PI4KA: variants seen among roughly 807,000 people sequenced by gnomAD.
PI4KA encodes phosphatidylinositol 4-kinase alpha.
In PI4KA, 122 loss-of-function variants were observed where a neutral mutation model predicts 271.4. The ratio of observed to expected loss-of-function variants is 0.45; its 90% CI spans 0.39 to 0.52. The LOEUF (loss-of-function observed/expected upper bound fraction) is 0.52, where lower values mean the gene tolerates loss of function less well. Ranked by LOEUF, PI4KA falls within the 20% of genes least tolerant of loss-of-function variation. The pLI, the probability that PI4KA is intolerant of heterozygous loss-of-function variation, is 0.00. For missense variants in PI4KA, 1,969 were observed against 2,769.1 expected, an observed-to-expected ratio of 0.71 and a Z score of 6.48; for synonymous variants, 1,041 against 1,078.8, an observed-to-expected ratio of 0.96 and a Z score of 0.69.
intron 7 of PI4KA, among the ~76,000 whole-genome samples, chr22:20,817,684 T>C (rs896185788): frequency 1.8e-5 from 2 of 111,792 alleles, no homozygotes; most frequent in African/African-American, 7.2e-5. Context: ...CGGTGAGCCA[T>C]GATCATGCCG....
intron 21 of PI4KA, 45 bp downstream of exon 21, chr22:20,765,055 T>C: frequency 6.3e-7 from 1 of 1,592,100 alleles, no homozygotes; most frequent in East Asian, 2.2e-5. Flanking sequence ...AGATCTGCCC[T>C]AATTGGCACA....
At chr22:20,829,911 G>A (rs763569330) in intron 3 of PI4KA, among the ~76,000 whole-genome samples, 14 of 152,004 alleles carry the variant, frequency 9.2e-5, no homozygotes, top group Non-Finnish European at 1.6e-4. Flanking sequence ...TCATTTACCC[G>A]AAGGTCATTC....
intron 19 of PI4KA, among the ~76,000 whole-genome samples, chr22:20,769,408 G>A (rs1932777249): frequency 6.6e-6 from 1 of 151,974 alleles, no homozygotes; most frequent in Non-Finnish European, 1.5e-5. Flanking sequence ...GGTGGCTCAC[G>A]CCTGTAATCC....
intron 8 of PI4KA, among the ~76,000 whole-genome samples, chr22:20,812,488 G>A (rs531335581): frequency 2.0e-5 from 3 of 151,990 alleles, no homozygotes; most frequent in African/African-American, 4.8e-5. Context: ...ATCATCACCC[G>A]TACCTATTCA....
At chr22:20,726,596 C>G (rs1264512250) in intron 41 of PI4KA, 55 bp from the exon 42 acceptor site, 2 of 1,494,616 alleles carry the variant, frequency 1.3e-6, no homozygotes, top group Non-Finnish European at 1.8e-6. Context: ...CCACCCAACC[C>G]TACGGCCCAG....
At chr22:20,857,891 A>C (rs1404957939) in intron 1 of PI4KA, among the ~76,000 whole-genome samples, 1 of 152,106 alleles carries the variant, frequency 6.6e-6, no homozygotes, top group Non-Finnish European at 1.5e-5. Context: ...CTCTGGCATG[A>C]CTTCACCTTT....
chr22:20,794,723 G>A (rs746849550), intron 18 of PI4KA, among the ~76,000 whole-genome samples: 12 of 152,144 alleles, frequency 7.9e-5, no homozygotes, highest in Non-Finnish European at 1.5e-4. Context: ...CCCACTCAGC[G>A]CCACAGGCAG....
chr22:20,803,041 C>T (rs1055797018), intron 13 of PI4KA, 150 bp downstream of exon 13: 16 of 742,044 alleles, frequency 2.2e-5, no homozygotes, highest in Non-Finnish European at 3.4e-5. Flanking sequence ...GAAGAAAGGC[C>T]TGGAGCTTGG....
intron 8 of PI4KA, 102 bp from the exon 9 acceptor site, chr22:20,811,134 T>C (rs1022517529): frequency 1.6e-5 from 14 of 852,018 alleles, no homozygotes; most frequent in Admixed American, 3.5e-5. Context: ...TGGTGAAAAA[T>C]GTGATGCAGA....
Position 20,799,031 on chromosome 22 carries a change from T to C in PI4KA, c.2004+62A>G, listed in dbSNP as rs575316974. On this transcript the variant is annotated intron_variant, in intron 16 of 54. Coordinates refer to ENST00000255882, the MANE Select transcript of PI4KA (RefSeq NM_058004.4). ...TTAATCTGTATTTGTACATCCCTTA[T>C]AGTCAAGAGTTTAACGTAGCTTGCA... The C allele has an allele frequency of 5.8e-4, 781 of 1,349,994 alleles. 7 individuals carry two copies. The South Asian group carries it at 9.5e-3, about 16-fold the overall frequency. The allele number at this position is 1,349,994 out of a possible 1,614,324, so 83.6% of individuals were successfully genotyped here.
At chr22:20,762,304 G>A (rs1932049201) in intron 22 of PI4KA, among the ~76,000 whole-genome samples, 1 of 152,170 alleles carries the variant, frequency 6.6e-6, no homozygotes, top group South Asian at 2.1e-4. Flanking sequence ...ATTCGAGTGT[G>A]CACGTGCACA....
At chr22:20,838,452 A>AAT (rs965189244) in intron 2 of PI4KA, among the ~76,000 whole-genome samples, 163 bp downstream of exon 2, 9 of 152,200 alleles carry the variant, frequency 5.9e-5, no homozygotes, top group Admixed American at 5.9e-4. Flanking sequence ...TTACATTAGG[A>AAT]AGTTTCATTC....
intron 28 of PI4KA, among the ~76,000 whole-genome samples, 181 bp from the exon 29 acceptor site, chr22:20,747,883 C>T (rs202118511): frequency 9.9e-5 from 15 of 151,004 alleles, no homozygotes; most frequent in African/African-American, 3.2e-4. Flanking sequence ...TATAGGGGCA[C>T]GCCACTATGC....
chr22:20,721,444 G>T (rs765689283), intron 42 of PI4KA, 26 bp from the exon 43 acceptor site: 2 of 1,611,394 alleles, frequency 1.2e-6, no homozygotes, highest in South Asian at 2.2e-5. Context: ...GTCCCTGTCA[G>T]CCAGGCTCGG....
chr22:20,790,480 G>T (rs1934558027), intron 19 of PI4KA, among the ~76,000 whole-genome samples: 1 of 151,902 alleles, frequency 6.6e-6, no homozygotes, highest in Non-Finnish European at 1.5e-5. Context: ...GGTGAACATG[G>T]CAAAAACTGA....
At chr22:20,714,825 C>T (rs1439269367) in intron 45 of PI4KA, 125 bp from the exon 46 acceptor site, 1 of 1,117,720 alleles carries the variant, frequency 8.9e-7, no homozygotes, top group Non-Finnish European at 1.3e-6. Context: ...TGTGGAGGGG[C>T]CTCTGGTCCT....
chr22:20,761,818 AG>A (rs1931999733), intron 22 of PI4KA, among the ~76,000 whole-genome samples: 1 of 152,246 alleles, frequency 6.6e-6, no homozygotes, highest in Admixed American at 6.5e-5. Context: ...AGGAAGGTGC[AG>A]GGAACACATG....
At chr22:20,843,317 C>A (rs1458594901) in intron 1 of PI4KA, among the ~76,000 whole-genome samples, 1 of 152,046 alleles carries the variant, frequency 6.6e-6, no homozygotes, top group African/African-American at 2.4e-5. Flanking sequence ...TGGCAAGACC[C>A]TGTCTCTACA....
intron 23 of PI4KA, among the ~76,000 whole-genome samples, chr22:20,758,873 G>A (rs75177245): frequency 0.03 from 4,497 of 152,194 alleles, 91 homozygotes; most frequent in Middle Eastern, 0.061. Context: ...TGCCAGAAGG[G>A]GGAGCTTCCA....
Sources: allele counts gnomAD v4.1 joint callset (sites outside exome capture counted in the v4.1 genomes callset), GRCh38; gene constraint gnomAD v4.1.1; transcripts MANE v1.5; gene names NCBI Gene and HGNC (gene_info 2026-07-23, HGNC 2026-07-21).